MMP26: variants seen among roughly 807,000 people sequenced by gnomAD.
MMP26 encodes matrix metalloproteinase-26.
Under a neutral mutation model 31.0 loss-of-function variants are expected in MMP26, and 33 were observed. The observed-to-expected ratio is 1.06, with a 90% CI of 0.81 to 1.42. The LOEUF is 1.42. Among genes scored for constraint, MMP26 ranks in the 40% most tolerant of loss-of-function variants. MMP26 has a pLI of 0.00. For synonymous variants in MMP26, 122 were observed against 114.9 expected, an observed-to-expected ratio of 1.06 and a Z score of -0.40; for missense variants, 347 against 316.1, an observed-to-expected ratio of 1.10 and a Z score of -0.74.
intron 2 of MMP26, among the ~76,000 whole-genome samples, chr11:4,868,520 A>G (rs1314925515): frequency 6.6e-6 from 1 of 152,194 alleles, no homozygotes; most frequent in African/African-American, 2.4e-5. Context: ...AGGGATGTGA[A>G]AGACCTCTTC....
In MMP26 at chr11:4,714,899, ATCTCTC is replaced by A. The variant is rs71466199; in HGVS notation, c.-217+9871_-217+9876del. ...GAGTCTTCCATCAGTAAAACCCCAA[ATCTCTC>A]TCTCTCTCTCTCTCTCACACACACA... On this transcript the variant is annotated intron_variant, in intron 1 of 7. Coordinates refer to ENST00000380390, the MANE Select transcript of MMP26 (RefSeq NM_021801.5). 2.3e-5 allele frequency among the ~76,000 whole-genome samples: 3 copies of A among 132,494 alleles called. No individual in the cohort carries two copies. The East Asian group carries it at 6.2e-4, about 27-fold the overall frequency. The allele number at this position is 132,494 out of a possible 152,430, so 86.9% of individuals were successfully genotyped here.
chr11:4,788,312 A>G (rs1414452576), intron 2 of MMP26, among the ~76,000 whole-genome samples: 1 of 151,772 alleles, frequency 6.6e-6, no homozygotes, highest in Non-Finnish European at 1.5e-5. Flanking sequence ...TCTCACTGAG[A>G]TTCCTCCACA....
intron 2 of MMP26, among the ~76,000 whole-genome samples, chr11:4,816,697 CTTTTTTT>C (rs747753151): frequency 2.5e-4 from 20 of 79,392 alleles, no homozygotes; most frequent in East Asian, 1.0e-3. Flanking sequence ...TGGGTGCCTT[CTTTTTTT>C]TTTTTTTTTT....
chr11:4,788,792 T>C (rs1026981375), intron 2 of MMP26, among the ~76,000 whole-genome samples: 3 of 152,120 alleles, frequency 2.0e-5, no homozygotes, highest in African/African-American at 7.2e-5. Flanking sequence ...TTCAATGAAA[T>C]GAATGAACAG....
At chr11:4,972,450 A>C (rs1415620070) in intron 2 of MMP26, among the ~76,000 whole-genome samples, 1 of 152,172 alleles carries the variant, frequency 6.6e-6, no homozygotes, top group Non-Finnish European at 1.5e-5. Flanking sequence ...TATATTTTTC[A>C]TGTATGCATG....
chr11:4,949,901 G>A (rs1172959528), intron 2 of MMP26, among the ~76,000 whole-genome samples: 1 of 122,700 alleles, frequency 8.1e-6, no homozygotes, highest in African/African-American at 2.7e-5. Flanking sequence ...ACCCATTTCA[G>A]GTACCCAGAA....
rs763876568 is a variant in MMP26 at position 4,822,062 on chromosome 11, C to T, written c.-145+54721C>T. ...TTGTCCACTACAGGGTTTGACTGCCCTTGCATCCTGCTCTCCTATATCCTG... is the reference window on the plus strand; with the variant it reads ...TTGTCCACTACAGGGTTTGACTGCCTTTGCATCCTGCTCTCCTATATCCTG... On this transcript the variant is annotated intron_variant, in intron 2 of 7. Transcript: ENST00000380390. The T allele has an allele frequency of 2.5e-6, 4 of 1,613,710 alleles. No individual in the cohort carries two copies. In the African/African-American group the frequency reaches 5.3e-5, roughly 22 times the overall value.
rs372733448 is a variant in MMP26 at position 4,920,470 on chromosome 11, A to G, written c.-144-67598A>G. On this transcript the variant is annotated intron_variant, in intron 2 of 7. Coordinates refer to ENST00000380390, the MANE Select transcript of MMP26 (RefSeq NM_021801.5). ...CCATTCTAGCCACTGACATTTGGAG[A>G]TTGGGCTTTACACCAAACTCATTAT... is the stretch of plus-strand genomic sequence containing the variant. Among the ~76,000 whole-genome samples, 9 of 152,158 alleles carry G rather than the reference A, an allele frequency of 5.9e-5. 1 individual carries two copies. The highest frequency in any genetic ancestry group is 3.9e-4 in the Admixed American group (6 of 15,278).
At chr11:4,895,548 G>A (rs1564802147) in intron 2 of MMP26, among the ~76,000 whole-genome samples, 1 of 152,118 alleles carries the variant, frequency 6.6e-6, no homozygotes, top group Admixed American at 6.5e-5. Context: ...TTCTCTAACC[G>A]TGAATAAACA....
At position 4,989,242 on chromosome 11, in the gene MMP26, G is replaced by C. The variant is rs531366566; in HGVS notation, c.100-406G>C. Among the ~76,000 whole-genome samples the C allele has an allele frequency of 5.9e-5, 9 of 152,258 alleles. No homozygotes were observed. In the South Asian group the frequency reaches 1.7e-3, roughly 28 times the overall value. ...AAATGCAAATGAAATGGGGAATGCAGAACCAGCCAAATTTTATGTCCTGGA... is the reference window on the plus strand; with the variant it reads ...AAATGCAAATGAAATGGGGAATGCACAACCAGCCAAATTTTATGTCCTGGA... On this transcript the variant is annotated intron_variant, in intron 3 of 7. Coordinates refer to ENST00000380390, the MANE Select transcript of MMP26 (RefSeq NM_021801.5).
intron 2 of MMP26, among the ~76,000 whole-genome samples, chr11:4,867,387 C>CTTTTTTTTTTTTTTTTTTTT (rs3065176): frequency 1.0e-5 from 1 of 98,296 alleles, no homozygotes; most frequent in Non-Finnish European, 2.0e-5. Context: ...AGATGCTGTC[C>CTTTTTTTTTTTTTTTTTTTT]TTTTTTTTTT....
intron 2 of MMP26, among the ~76,000 whole-genome samples, chr11:4,767,743 C>G (rs2133417417): frequency 6.6e-6 from 1 of 152,248 alleles, no homozygotes. Flanking sequence ...GGTGTGTGCT[C>G]TCTCCAGCAC....
intron 1 of MMP26, among the ~76,000 whole-genome samples, chr11:4,763,449 A>G (rs7947959): frequency 0.3 from 45,813 of 152,066 alleles, 7,978 homozygotes; most frequent in African/African-American, 0.46. Context: ...TACACCTTTC[A>G]TGATCAGGAA....
intron 2 of MMP26, chr11:4,822,135 AG>A: frequency 2.5e-6 from 4 of 1,612,310 alleles, no homozygotes; most frequent in Non-Finnish European, 3.4e-6. Context: ...AGAGGCGGAA[AG>A]CCTTCAACAC....
At chr11:4,908,228 A>G in intron 2 of MMP26, 1 of 1,614,132 alleles carries the variant, frequency 6.2e-7, no homozygotes, top group South Asian at 1.1e-5. Context: ...GCCCCTTATG[A>G]ACCCCATTGT....
In MMP26 at chr11:4,805,095, C is replaced by T. The variant is rs946545963; in HGVS notation, c.-145+37754C>T. On this transcript the variant is annotated intron_variant, in intron 2 of 7. Transcript: ENST00000380390. Reference sequence around the variant, plus strand: ...TTCTATAGAACTAACAGCTGATTAGCTTAAACTTTTCCACAGGTCCTTTTT... The same window carrying T: ...TTCTATAGAACTAACAGCTGATTAGTTTAAACTTTTCCACAGGTCCTTTTT... Among the ~76,000 whole-genome samples, 8 of 152,064 alleles carry T rather than the reference C, an allele frequency of 5.3e-5. 1 individual carries two copies.
chr11:4,705,991 G>A (rs1243714676), intron 1 of MMP26, among the ~76,000 whole-genome samples: 2 of 141,300 alleles, frequency 1.4e-5, no homozygotes, highest in Non-Finnish European at 3.1e-5. Flanking sequence ...TGGTGGTGGT[G>A]GGGGGAGCTG....
chr11:4,807,578 G>T (rs567997714), intron 2 of MMP26, among the ~76,000 whole-genome samples: 1 of 145,930 alleles, frequency 6.9e-6, no homozygotes, highest in Admixed American at 6.9e-5. Flanking sequence ...GAGAACACAT[G>T]GATACAGGGT....
At chr11:4,898,704 T>C (rs980532373) in intron 2 of MMP26, among the ~76,000 whole-genome samples, 4 of 152,116 alleles carry the variant, frequency 2.6e-5, no homozygotes, top group Non-Finnish European at 5.9e-5. Flanking sequence ...TTTTAATATA[T>C]AGGGGACATT....
Sources: gnomAD v4.1 joint callset for allele counts (sites outside exome capture counted in the v4.1 genomes callset) on GRCh38, gnomAD v4.1.1 for gene constraint, MANE v1.5 for transcripts, NCBI Gene and HGNC (gene_info 2026-07-23, HGNC 2026-07-21) for gene names.